TSC2: variants seen among roughly 807,000 people sequenced by gnomAD.
The protein encoded by TSC2 is TSC complex subunit 2.
TSC2 carries 29 observed loss-of-function variants against 202.2 expected under a neutral mutation model. That is an observed-to-expected ratio of 0.14 (90% CI 0.11 to 0.20). The LOEUF is 0.20. Among genes scored for constraint, TSC2 ranks in the 10% least tolerant of loss-of-function variants. TSC2 has a pLI of 1.00. For missense variants in TSC2, 2,429 were observed against 2,420.0 expected (o/e 1.00, Z -0.08); for synonymous variants, 1,349 against 1,044.0 (o/e 1.29, Z -5.63).
chr16:2,083,612 G>T, intron 32 of TSC2, 83 bp from the exon 33 acceptor site: 1 of 1,544,806 alleles, frequency 6.5e-7, no homozygotes, highest in South Asian at 1.2e-5. Flanking sequence ...CTCTGGTCAG[G>T]AGAAGGCTGG....
chr16:2,053,176 A>G (rs1306309295), intron 3 of TSC2, among the ~76,000 whole-genome samples, 166 bp from the exon 4 acceptor site: 1 of 152,172 alleles, frequency 6.6e-6, no homozygotes, highest in Admixed American at 6.5e-5. Context: ...GCCTGTGGTC[A>G]TCTCAGGCTG....
intron 22 of TSC2, 91 bp from the exon 23 acceptor site, chr16:2,075,708 C>T (rs1425649482): frequency 7.3e-7 from 1 of 1,375,382 alleles, no homozygotes; most frequent in South Asian, 1.2e-5. Flanking sequence ...CTGCAGCACC[C>T]CATCGCTGCC....
At chr16:2,065,446 G>C (rs2087208054) in intron 15 of TSC2, 73 bp from the exon 16 acceptor site, 1 of 991,248 alleles carries the variant, frequency 1.0e-6, no homozygotes, top group East Asian at 2.5e-5. Flanking sequence ...AGGTGTTTGT[G>C]GTAGAAAGTG....
rs980324141 is a variant in TSC2, at chr16:2,080,631, C to G, written c.3610+254C>G. ...CCCGAGTAGCTGGGACCACAGGCGCCCGCCACCACGCCTGGCCAATTTTTT... is the reference window on the plus strand; with the variant it reads ...CCCGAGTAGCTGGGACCACAGGCGCGCGCCACCACGCCTGGCCAATTTTTT... On this transcript the variant is annotated intron_variant, in intron 30 of 41. Coordinates refer to ENST00000219476, the MANE Select transcript of TSC2 (RefSeq NM_000548.5). The G allele has an allele frequency of 3.3e-5, 17 of 509,338 alleles. No individual in the cohort carries two copies. The South Asian group carries it at 3.5e-4, about 10-fold the overall frequency. The allele number at this position is 509,338 out of a possible 1,614,324, so 31.6% of individuals were successfully genotyped here.
intron 21 of TSC2, 143 bp from the exon 22 acceptor site, chr16:2,074,057 C>T (rs745726233): frequency 9.6e-7 from 1 of 1,043,814 alleles, no homozygotes; most frequent in Admixed American, 2.0e-5. Flanking sequence ...GGTAGCTCAG[C>T]ACTGCTGGCT....
At chr16:2,057,260 A>G in intron 9 of TSC2, 82 bp downstream of exon 9, 1 of 1,492,842 alleles carries the variant, frequency 6.7e-7, no homozygotes, top group South Asian at 1.2e-5. Flanking sequence ...CCAAGCACAC[A>G]CTGGCTTAGA....
chr16:2,079,107 C>G lies in TSC2; in HGVS notation c.3042C>G (p.Ser1014Arg), dbSNP rs2151432422. The change falls in exon 27 of 42, where the codon AGC (serine) becomes AGG (arginine). Residue 1014 changes from serine to arginine, a missense_variant. Transcript: ENST00000219476. The surrounding 1 kb of genome is among the most constrained non-coding windows in gnomAD (Gnocchi z 4.6). ...ACTCCGTGGCCCAGGCTGACGATAG[C>G]CTGAAAAACCTCCACCTGGAGCTCA... ...DENSVAQADD[S>R]LKNLHLELTE... The G allele has an allele frequency of 6.2e-7, 1 of 1,613,044 alleles. No homozygotes were observed. The highest frequency in any genetic ancestry group is 8.5e-7 in the Non-Finnish European group (1 of 1,180,012).
Position 2,072,998 on chromosome 16 carries a change from C to T in TSC2, c.2355+15C>T, listed in dbSNP as rs1246183175. 6.2e-7 allele frequency: 1 copy of T among 1,613,230 alleles called. No individual in the cohort carries two copies. Among genetic ancestry groups the T allele is most frequent in the Non-Finnish European group, 8.5e-7 (1 of 1,180,020 alleles). On this transcript the variant is annotated intron_variant, in intron 21 of 41. Coordinates refer to ENST00000219476, the MANE Select transcript of TSC2 (RefSeq NM_000548.5). ...AAACCAAACAGGTAGGAGGTCAGAG[C>T]AGGACAGGCGAGCTTGATGGGGCCT...
At chr16:2,078,732 C>G in intron 26 of TSC2, 2 of 471,118 alleles carry the variant, frequency 4.2e-6, no homozygotes, top group South Asian at 2.1e-5. Flanking sequence ...TACACCGTTT[C>G]GCCAGGAGGC....
At chr16:2,048,217 C>T (rs1193074089) in intron 1 of TSC2, 152 bp downstream of exon 1, 4 of 1,471,102 alleles carry the variant, frequency 2.7e-6, no homozygotes, top group East Asian at 4.9e-5. Flanking sequence ...TAAGTCATGG[C>T]GGGTGCGAAC....
In TSC2 at chr16:2,088,978, T is replaced by C; in HGVS notation, c.*368T>C. The C allele has an allele frequency of 6.7e-6, 2 of 298,244 alleles. No homozygotes were observed. The highest frequency in any genetic ancestry group is 6.5e-6 in the Non-Finnish European group (1 of 154,764). The allele number at this position is 298,244 out of a possible 1,614,324, so 18.5% of individuals were successfully genotyped here. A position where few individuals can be genotyped will look rare whatever the true frequency, so the allele number is the denominator to read the frequency against. On this transcript the variant is annotated 3_prime_UTR_variant, in exon 42 of 42. Transcript: ENST00000219476. ...CCACCCTGGGGTCCTCTGACATGCC[T>C]AGTCCTGCTACTTGCCCAGACCTGA...
intron 41 of TSC2, 54 bp downstream of exon 41, chr16:2,088,379 G>A: frequency 6.2e-7 from 1 of 1,612,360 alleles, no homozygotes; most frequent in Admixed American, 1.7e-5. Context: ...AAGCTGTGGG[G>A]CGGGTGTGTG....
In TSC2 at chr16:2,088,894, C is replaced by CT; in HGVS notation, c.*284_*285insT. 1.2e-5 allele frequency: 5 copies of CT among 432,274 alleles called. No homozygotes were observed. Among genetic ancestry groups the CT allele is most frequent in the Admixed American group, 3.9e-5 (1 of 25,746 alleles). The allele number at this position is 432,274 out of a possible 1,614,324, so 26.8% of individuals were successfully genotyped here. On this transcript the variant is annotated 3_prime_UTR_variant, in exon 42 of 42. Coordinates refer to ENST00000219476, the MANE Select transcript of TSC2 (RefSeq NM_000548.5). Reference sequence around the variant, plus strand: ...GCGTGCGCGCGCGCACACACACACACACACAGTCACCTTCCTCCACCCTGG... The same window carrying CT: ...GCGTGCGCGCGCGCACACACACACACTACACAGTCACCTTCCTCCACCCTGG...
chr16:2,065,113 CAAAAAGA>C (rs1465223231), intron 15 of TSC2: 3 of 169,990 alleles, frequency 1.8e-5, no homozygotes, highest in Admixed American at 1.4e-4. Flanking sequence ...GACTCTGTCT[CAAAAAGA>C]AAAAAAAAAA....
At chr16:2,066,259 G>C (rs2087340455) in intron 16 of TSC2, 1 of 155,134 alleles carries the variant, frequency 6.4e-6, no homozygotes, top group African/African-American at 2.4e-5. Context: ...TTGGATGGTA[G>C]AACAGTTTCC....
intron 31 of TSC2, 75 bp downstream of exon 31, chr16:2,081,873 C>A: frequency 1.3e-6 from 2 of 1,562,770 alleles, no homozygotes; most frequent in Non-Finnish European, 1.7e-6. Context: ...CAATGTGGCT[C>A]CTCTCTGCTG....
At chr16:2,056,935 T>A (rs1262459821) in intron 8 of TSC2, 166 bp downstream of exon 8, 5 of 1,390,490 alleles carry the variant, frequency 3.6e-6, no homozygotes, top group African/African-American at 1.4e-5. Flanking sequence ...AGGTCAGGGT[T>A]TTGGTGGCAT....
chr16:2,049,988 T>A (rs1264120615), intron 2 of TSC2, among the ~76,000 whole-genome samples: 4 of 143,776 alleles, frequency 2.8e-5, no homozygotes. Flanking sequence ...CGAGTTTCGC[T>A]CTTGTCACCC....
At chr16:2,053,511 C>T (rs558651506) in intron 4 of TSC2, 59 bp downstream of exon 4, 26 of 1,486,544 alleles carry the variant, frequency 1.7e-5, no homozygotes, top group Non-Finnish European at 2.4e-5. Flanking sequence ...ACTGTCCTGT[C>T]CCTGCTGGGC....
Sources: gnomAD v4.1 joint callset for allele counts (sites outside exome capture counted in the v4.1 genomes callset) on GRCh38, gnomAD v4.1.1 for gene constraint, Gnocchi (gnomAD v3.1) non-coding constraint, MANE v1.5 for transcripts, NCBI Gene and HGNC (gene_info 2026-07-23, HGNC 2026-07-21) for gene names.